PDE1B: variants seen among roughly 807,000 people sequenced by gnomAD.
PDE1B encodes dual specificity calcium/calmodulin-dependent 3',5'-cyclic nucleotide phosphodiesterase 1B.
A neutral mutation model predicts 66.7 loss-of-function variants in PDE1B; 13 were observed. The observed-to-expected ratio is 0.19, with a 90% confidence interval of 0.13 to 0.31. The LOEUF is 0.31. Among genes scored for constraint, PDE1B ranks in the 10% least tolerant of loss-of-function variants. The probability of loss-of-function intolerance (pLI) is 1.00; values close to 1 mark genes in which losing one functional copy is unlikely to be tolerated. For synonymous variants in PDE1B, 230 were observed against 253.9 expected (o/e 0.91, Z 0.90); for missense variants, 485 against 682.3 (o/e 0.71, Z 3.22).
In PDE1B at chr12:54,573,178, A is replaced by G; in HGVS notation, c.766A>G (p.Ile256Val). ...HCLSEIELLA[I>V]IFAAAIHDYE... ...CCTGTCGGAGATTGAGCTCCTGGCC[A>G]TCATCTTTGCTGCAGCTATCCATGA... The change falls in exon 8 of 16, where the codon ATC becomes GTC. Residue 256 changes from isoleucine to valine, a missense_variant. Coordinates refer to ENST00000243052, the MANE Select transcript of PDE1B (RefSeq NM_000924.4). This position sits in a 1 kb window ranked among gnomAD's most constrained non-coding sequence, Gnocchi z 5.2. The G allele has an allele frequency of 6.2e-7, 1 of 1,614,056 alleles. No homozygotes were observed. Among genetic ancestry groups the G allele is most frequent in the Non-Finnish European group, 8.5e-7 (1 of 1,179,980 alleles).
intron 6 of PDE1B, chr12:54,572,354 C>T (rs551431522): frequency 2.9e-5 from 16 of 553,300 alleles, no homozygotes; most frequent in African/African-American, 2.2e-4. Context: ...TCATTAATTT[C>T]CAGGTAGGTG....
At chr12:54,558,901 G>T (rs1488977480) in intron 2 of PDE1B, among the ~76,000 whole-genome samples, 3 of 152,160 alleles carry the variant, frequency 2.0e-5, no homozygotes, top group Non-Finnish European at 2.9e-5. Context: ...GGTTCCCAAG[G>T]TGTTCTCATA....
chr12:54,573,067 G>A lies in PDE1B; in HGVS notation c.736-81G>A. 9.9e-7 allele frequency: 1 copy of A among 1,009,356 alleles called. No individual in the cohort carries two copies. Among genetic ancestry groups the A allele is most frequent in the Non-Finnish European group, 1.6e-6 (1 of 635,638 alleles). 62.5% of individuals were successfully genotyped at this position (1,009,356 alleles called of 1,614,324 possible). On this transcript the variant is annotated intron_variant, in intron 7 of 15. Coordinates refer to ENST00000243052, the MANE Select transcript of PDE1B (RefSeq NM_000924.4). The surrounding 1 kb of genome is among the most constrained non-coding windows in gnomAD (Gnocchi z 5.2). ...GAAGCATGGAAGGGATGGGATGAGT[G>A]ATCTAGCCTGTGTGTGGAGGTTCCT...
In PDE1B at chr12:54,556,953, T is replaced by G. The variant is rs1188915266; in HGVS notation, c.113+6968T>G. Among the ~76,000 whole-genome samples the G allele has an allele frequency of 2.0e-5, 3 of 151,762 alleles. No individual in the cohort carries two copies. The East Asian group carries it at 5.8e-4, about 29-fold the overall frequency. Reference sequence around the variant, plus strand: ...TCTGGCAGGCAGGACCTGGGGAAAGTTTTTCCTTTTATTCCTATTTGTTGG... The same window carrying G: ...TCTGGCAGGCAGGACCTGGGGAAAGGTTTTCCTTTTATTCCTATTTGTTGG... On this transcript the variant is annotated intron_variant, in intron 2 of 15. Transcript: ENST00000243052.
At chr12:54,561,902 C>T (rs964319424) in intron 2 of PDE1B, among the ~76,000 whole-genome samples, 23 of 152,138 alleles carry the variant, frequency 1.5e-4, no homozygotes, top group African/African-American at 5.1e-4. Context: ...GGTGACTTAT[C>T]ATTGTTTCTT....
At position 54,575,728 on chromosome 12, in the gene PDE1B, T is replaced by G; in HGVS notation, c.1267+96T>G. ...CCAAGTCCTCAATCCCCCCAAACCA[T>G]TCTTCCTGTAGAGGAAAGCCTACTG... On this transcript the variant is annotated intron_variant, in intron 12 of 15. Transcript: ENST00000243052. This position sits in a 1 kb window ranked among gnomAD's most constrained non-coding sequence, Gnocchi z 4.0. 1.1e-6 allele frequency: 1 copy of G among 949,238 alleles called. No homozygotes were observed. Among genetic ancestry groups the G allele is most frequent in the Non-Finnish European group, 1.7e-6 (1 of 587,908 alleles). 58.8% of individuals were successfully genotyped at this position (949,238 alleles called of 1,614,324 possible).
rs1214706820 is a variant in PDE1B at position 54,573,845 on chromosome 12, G to C, written c.1064+136G>C. 4.5e-6 allele frequency: 3 copies of C among 665,178 alleles called. No individual in the cohort carries two copies. The highest frequency in any genetic ancestry group is 1.8e-5 in the African/African-American group (1 of 54,618). The allele number at this position is 665,178 out of a possible 1,614,324, so 41.2% of individuals were successfully genotyped here. A position where few individuals can be genotyped will look rare whatever the true frequency, so the allele number is the denominator to read the frequency against. The stretch of plus-strand genomic sequence containing the variant: ...CTCCACTGGCTTCAGGTATCAGACT[G>C]CATCTCTATGTGAGAGAGAGAGAGA... On this transcript the variant is annotated intron_variant, in intron 10 of 15. Transcript: ENST00000243052. The surrounding 1 kb of genome is among the most constrained non-coding windows in gnomAD (Gnocchi z 5.2).
rs1957246920 is a variant in PDE1B at position 54,549,780 on chromosome 12, G to A, written c.-14+8G>A. On this transcript the variant is annotated splice_region_variant and intron_variant, in intron 1 of 15. Transcript: ENST00000243052. ...GGTCCACGCCAGCCGCAGGTGGGAA[G>A]GGCCTGGGATGGGGGGTGAGGGTCT... The A allele has an allele frequency of 1.0e-6, 1 of 973,968 alleles. No homozygotes were observed. Among genetic ancestry groups the A allele is most frequent in the Non-Finnish European group, 1.6e-6 (1 of 632,368 alleles). 60.3% of individuals were successfully genotyped at this position (973,968 alleles called of 1,614,324 possible).
Position 54,569,299 on chromosome 12 carries a change from C to G in PDE1B, c.343C>G (p.Arg115Gly), listed in dbSNP as rs1163489816. 1.2e-6 allele frequency: 2 copies of G among 1,613,972 alleles called. No homozygotes were observed. The highest frequency in any genetic ancestry group is 1.3e-5 in the African/African-American group (1 of 75,042). ...CCAGCAGGCCCGGGCCAAAGGCCGC[C>G]GAGCAGAGGAGAAGCCCAAGTTCCG... Reference protein sequence around the residue: ...FTQQARAKGRRAEEKPKFRSI... With the variant: ...FTQQARAKGRGAEEKPKFRSI... The change falls in exon 4 of 16, where the codon CGA (arginine) becomes GGA (glycine). Residue 115 changes from arginine (R) to glycine (G), a missense_variant. This residue lies in a region of PDE1B where 282 missense variants were observed against 453.4 expected (regional missense o/e 0.62). Transcript: ENST00000243052. This position sits in a 1 kb window ranked among gnomAD's most constrained non-coding sequence, Gnocchi z 4.4.
chr12:54,577,243 C>T lies in PDE1B; in HGVS notation c.1526C>T (p.Ser509Phe), dbSNP rs921693220. 6.2e-7 allele frequency: 1 copy of T among 1,613,982 alleles called. No individual in the cohort carries two copies. Among genetic ancestry groups the T allele is most frequent in the Non-Finnish European group, 8.5e-7 (1 of 1,179,902 alleles). ...RAASGITNQM[S>F]IDELSPCEEE... ...TCTACAGGCATCACCAACCAGATGT[C>T]CATTGACGAGCTGTCCCCCTGTGAA... The change falls in exon 15 of 16, where the codon TCC becomes TTC. Residue 509 changes from serine to phenylalanine, a missense_variant. By Grantham distance (155) the Ser-to-Phe change is radical. Around this residue, in one of 4 missense-constraint regions of PDE1B, gnomAD observed 126 missense variants for 133.8 expected, o/e 0.94. Coordinates refer to ENST00000243052, the MANE Select transcript of PDE1B (RefSeq NM_000924.4).
In PDE1B at chr12:54,549,653, T is replaced by C. The variant is rs1266412029; in HGVS notation, c.-133T>C. 1.6e-5 allele frequency: 8 copies of C among 488,016 alleles called. No homozygotes were observed. Among genetic ancestry groups the C allele is most frequent in the Non-Finnish European group, 2.5e-5 (7 of 276,486 alleles). The allele number at this position is 488,016 out of a possible 1,614,324, so 30.2% of individuals were successfully genotyped here. A position where few individuals can be genotyped will look rare whatever the true frequency, so the allele number is the denominator to read the frequency against. On this transcript the variant is annotated 5_prime_UTR_variant, in exon 1 of 16. Coordinates refer to ENST00000243052, the MANE Select transcript of PDE1B (RefSeq NM_000924.4). ...CAGCAGCAGCGGCGGTGCGGAGAGC[T>C]TGGACTGGGAGCCCAAAGCTCGGCT...
rs1957246663 is a variant in PDE1B at position 54,549,769 on chromosome 12, G to A, written c.-17G>A. On this transcript the variant is annotated 5_prime_UTR_variant, in exon 1 of 16. Transcript: ENST00000243052. ...CCGGCCTGGCTGGTCCACGCCAGCC[G>A]CAGGTGGGAAGGGCCTGGGATGGGG... The A allele has an allele frequency of 2.3e-6, 2 of 862,594 alleles. No individual in the cohort carries two copies. Among genetic ancestry groups the A allele is most frequent in the Non-Finnish European group, 3.7e-6 (2 of 539,540 alleles). The allele number at this position is 862,594 out of a possible 1,614,324, so 53.4% of individuals were successfully genotyped here.
rs1352987852 is a variant in PDE1B at position 54,573,253 on chromosome 12, G to A, written c.836+5G>A. Reference sequence around the variant, plus strand: ...CAGCTTCCACATCCAGACCAAGTGAGGGGTGGGGATGTGGCAGGGGCAGGA... The same window carrying A: ...CAGCTTCCACATCCAGACCAAGTGAAGGGTGGGGATGTGGCAGGGGCAGGA... On this transcript the variant is annotated splice_donor_5th_base_variant and intron_variant, in intron 8 of 15. Coordinates refer to ENST00000243052, the MANE Select transcript of PDE1B (RefSeq NM_000924.4). The surrounding 1 kb of genome is among the most constrained non-coding windows in gnomAD (Gnocchi z 5.2). 1 of 1,613,186 alleles carries A rather than the reference G, an allele frequency of 6.2e-7. No homozygotes were observed. Among genetic ancestry groups the A allele is most frequent in the South Asian group, 1.1e-5 (1 of 91,060 alleles).
At position 54,577,225 on chromosome 12, in the gene PDE1B, G is replaced by C; in HGVS notation, c.1508G>C (p.Gly503Ala). Residue 503 changes from glycine to alanine, a missense_variant and splice_region_variant, in exon 15 of 16, where the codon GGC (glycine) becomes GCC (alanine). Physicochemically the swap from Gly to Ala is moderately conservative, Grantham distance 60. Transcript: ENST00000243052. ...KQKWKERAAS[G>A]ITNQMSIDEL... Reference sequence around the variant, plus strand: ...CAGCCTCCTTTATGCTCCTCTACAGGCATCACCAACCAGATGTCCATTGAC... The same window carrying C: ...CAGCCTCCTTTATGCTCCTCTACAGCCATCACCAACCAGATGTCCATTGAC... 1 of 1,612,992 alleles carries C rather than the reference G, an allele frequency of 6.2e-7. No individual in the cohort carries two copies. The highest frequency in any genetic ancestry group is 1.1e-5 in the South Asian group (1 of 90,962).
chr12:54,577,586 A>G, intron 15 of PDE1B: 1 of 1,501,706 alleles, frequency 6.7e-7, no homozygotes, highest in Non-Finnish European at 8.8e-7. Context: ...GCAGCAGAAC[A>G]GGGTGGGCCC....
Position 54,575,987 on chromosome 12 carries a change from T to C in PDE1B, c.1268-5T>C. ...CATCTCTACGGCATTGCTCCTCCAC[T>C]GCAGGGTTCATCGACTTCATTGTGG... On this transcript the variant is annotated splice_polypyrimidine_tract_variant and splice_region_variant and intron_variant, in intron 12 of 15. Transcript: ENST00000243052. This position sits in a 1 kb window ranked among gnomAD's most constrained non-coding sequence, Gnocchi z 4.0. 1 of 1,597,718 alleles carries C rather than the reference T, an allele frequency of 6.3e-7. No homozygotes were observed. The highest frequency in any genetic ancestry group is 1.1e-5 in the South Asian group (1 of 90,784).
At chr12:54,561,586 T>G (rs1269845608) in intron 2 of PDE1B, 20 of 1,528,312 alleles carry the variant, frequency 1.3e-5, no homozygotes, top group Non-Finnish European at 1.8e-5. Context: ...TTGATTCCCA[T>G]GGCAAACCCT....
In PDE1B at chr12:54,573,143, T is replaced by C. The variant is rs1957648051; in HGVS notation, c.736-5T>C. On this transcript the variant is annotated splice_polypyrimidine_tract_variant and splice_region_variant and intron_variant, in intron 7 of 15. Coordinates refer to ENST00000243052, the MANE Select transcript of PDE1B (RefSeq NM_000924.4). The surrounding 1 kb of genome is among the most constrained non-coding windows in gnomAD (Gnocchi z 5.2). ...CTCTCTCATTCTTTCTCTTTCCTCC[T>C]GTAGCACTGCCTGTCGGAGATTGAG... is the stretch of plus-strand genomic sequence containing the variant. 10 of 1,610,468 alleles carry C rather than the reference T, an allele frequency of 6.2e-6. No homozygotes were observed. In the Middle Eastern group the frequency reaches 5.0e-4, roughly 80 times the overall value.
chr12:54,564,170 G>A (rs80166724), intron 2 of PDE1B, among the ~76,000 whole-genome samples: 1,956 of 152,246 alleles, frequency 0.013, 27 homozygotes, highest in Middle Eastern at 0.024. Context: ...CCCTCCTGAA[G>A]TCAAATAACA....
Sources: gnomAD v4.1 joint callset for allele counts (sites outside exome capture counted in the v4.1 genomes callset) on GRCh38, gnomAD v4.1.1 for gene constraint, gnomAD v4.1.1 regional missense constraint, Gnocchi (gnomAD v3.1) non-coding constraint, MANE v1.5 for transcripts, NCBI Gene and HGNC (gene_info 2026-07-23, HGNC 2026-07-21) for gene names.